DOK5: variants seen among roughly 807,000 people sequenced by gnomAD.
The protein encoded by DOK5 is docking protein 5.
Under a neutral mutation model 43.3 loss-of-function variants are expected in DOK5, and 27 were observed. The ratio of observed to expected loss-of-function variants is 0.62; its 90% CI spans 0.46 to 0.86. The LOEUF is 0.86. DOK5 is among the 40% of genes least tolerant of loss of function. The pLI is 0.00. For missense variants in DOK5, 373 were observed against 392.9 expected (o/e 0.95, Z 0.43); for synonymous variants, 146 against 140.1 (o/e 1.04, Z -0.30).
intron 2 of DOK5, among the ~76,000 whole-genome samples, chr20:54,566,844 T>G (rs373189296): frequency 6.6e-6 from 1 of 152,182 alleles, no homozygotes; most frequent in African/African-American, 2.4e-5. Flanking sequence ...CTTGAACTCC[T>G]GGCCTCAAGG....
At chr20:54,556,871 T>C (rs74662541) in intron 2 of DOK5, among the ~76,000 whole-genome samples, 2,787 of 152,320 alleles carry the variant, frequency 0.018, 88 homozygotes, top group African/African-American at 0.065. Flanking sequence ...TCCAAACATC[T>C]AATTCTTCAC....
chr20:54,609,105 G>A (rs1301374564), intron 5 of DOK5, among the ~76,000 whole-genome samples: 1 of 152,148 alleles, frequency 6.6e-6, no homozygotes, highest in East Asian at 1.9e-4. Flanking sequence ...GTGGTACTGG[G>A]CCAACTGCGA....
chr20:54,512,018 T>G (rs1983031946), intron 1 of DOK5, among the ~76,000 whole-genome samples: 1 of 152,176 alleles, frequency 6.6e-6, no homozygotes. Context: ...AACCTGTGGC[T>G]GTGTCTACCT....
chr20:54,578,830 A>G (rs1415694648), intron 2 of DOK5, among the ~76,000 whole-genome samples: 1 of 152,202 alleles, frequency 6.6e-6, no homozygotes, highest in Non-Finnish European at 1.5e-5. Context: ...TGCGGAATAC[A>G]ATCATGAAAT....
chr20:54,503,345 G>T (rs894700828), intron 1 of DOK5, among the ~76,000 whole-genome samples: 1 of 152,222 alleles, frequency 6.6e-6, no homozygotes, highest in African/African-American at 2.4e-5. Flanking sequence ...ATAGACTGGG[G>T]TATTGGAAAA....
At position 54,591,686 on chromosome 20, in the gene DOK5, A is replaced by G. The variant is rs763162487; in HGVS notation, c.480A>G (p.Thr160=). The part of the protein sequence containing the change: ...DVHGECALQI[T]YEYICLWDVQ... ...ATGGCGAATGTGCCTTGCAGATTAC[A>G]TATGAGTATATCTGTCTTTGGGACG... Residue 160 remains threonine (T), a synonymous_variant, in exon 5 of 8, where the codon ACA becomes ACG. Transcript: ENST00000262593. 6.8e-6 allele frequency: 11 copies of G among 1,614,050 alleles called. No individual in the cohort carries two copies. Among genetic ancestry groups the G allele is most frequent in the East Asian group, 2.2e-5 (1 of 44,902 alleles).
At chr20:54,535,080 C>CCT (rs1486246825) in intron 1 of DOK5, among the ~76,000 whole-genome samples, 1 of 152,158 alleles carries the variant, frequency 6.6e-6, no homozygotes, top group Non-Finnish European at 1.5e-5. Flanking sequence ...GATCCACCCG[C>CCT]CTCAGGCTTG....
At chr20:54,491,607 G>A (rs920548753) in intron 1 of DOK5, among the ~76,000 whole-genome samples, 2 of 152,102 alleles carry the variant, frequency 1.3e-5, no homozygotes, top group Non-Finnish European at 2.9e-5. Flanking sequence ...CTCGGCTTCC[G>A]CTGCGGAAGA....
At chr20:54,500,261 G>A (rs1308166879) in intron 1 of DOK5, among the ~76,000 whole-genome samples, 2 of 152,046 alleles carry the variant, frequency 1.3e-5, no homozygotes, top group African/African-American at 4.8e-5. Flanking sequence ...TCCATAGTTA[G>A]AATCTTTAGA....
At chr20:54,516,173 A>T (rs1568762915) in intron 1 of DOK5, among the ~76,000 whole-genome samples, 1 of 152,236 alleles carries the variant, frequency 6.6e-6, no homozygotes, top group Non-Finnish European at 1.5e-5. Context: ...CTGGTTATAT[A>T]ATCCAGTTAT....
At chr20:54,487,963 A>C (rs1304239497) in intron 1 of DOK5, among the ~76,000 whole-genome samples, 3 of 152,224 alleles carry the variant, frequency 2.0e-5, no homozygotes, top group Admixed American at 6.5e-5. Flanking sequence ...CTTAGAATTC[A>C]TTTTATTATC....
Position 54,574,418 on chromosome 20 carries a change from G to A in DOK5, c.175-14065G>A, listed in dbSNP as rs556953828. Among the ~76,000 whole-genome samples the A allele has an allele frequency of 3.9e-5, 6 of 152,220 alleles. No homozygotes were observed. The East Asian group carries it at 1.2e-3, about 29-fold the overall frequency. ...ATGCCACTGTTCCTTTCTTGAGGAA[G>A]CTACCTGAGTGTGTATAGCAGCTCA... On this transcript the variant is annotated intron_variant, in intron 2 of 7. Coordinates refer to ENST00000262593, the MANE Select transcript of DOK5 (RefSeq NM_018431.5).
At chr20:54,578,421 C>T (rs552124334) in intron 2 of DOK5, among the ~76,000 whole-genome samples, 1 of 151,882 alleles carries the variant, frequency 6.6e-6, no homozygotes, top group Non-Finnish European at 1.5e-5. Context: ...CTAAATATAT[C>T]CTGAAAAAAG....
At chr20:54,612,900 C>A (rs1254633178) in intron 6 of DOK5, among the ~76,000 whole-genome samples, 2 of 152,140 alleles carry the variant, frequency 1.3e-5, no homozygotes, top group Non-Finnish European at 2.9e-5. Flanking sequence ...TCTTGATATC[C>A]CTGAGCTCCA....
chr20:54,508,977 T>G (rs1982917114), intron 1 of DOK5, among the ~76,000 whole-genome samples: 1 of 147,514 alleles, frequency 6.8e-6, no homozygotes. Context: ...CCCTGGTTCA[T>G]GCGATTCTCC....
chr20:54,519,030 C>T (rs900885915), intron 1 of DOK5, among the ~76,000 whole-genome samples: 33 of 152,174 alleles, frequency 2.2e-4, no homozygotes, highest in Admixed American at 5.9e-4. Flanking sequence ...GTTAGAATGG[C>T]GATCATTAAA....
intron 1 of DOK5, among the ~76,000 whole-genome samples, chr20:54,546,548 C>A (rs931039305): frequency 6.0e-5 from 9 of 151,138 alleles, no homozygotes; most frequent in African/African-American, 1.5e-4. Flanking sequence ...TCCCTCCCCC[C>A]TCCCCTGACC....
At chr20:54,477,442 A>G (rs1383482897) in intron 1 of DOK5, among the ~76,000 whole-genome samples, 1 of 152,196 alleles carries the variant, frequency 6.6e-6, no homozygotes, top group East Asian at 1.9e-4. Context: ...GAGAAATGTA[A>G]CAGAATTCAC....
chr20:54,533,688 T>G (rs1053078988), intron 1 of DOK5, among the ~76,000 whole-genome samples: 2 of 152,200 alleles, frequency 1.3e-5, no homozygotes, highest in African/African-American at 2.4e-5. Context: ...TGACAGTATT[T>G]TTTTTACTTT....
Sources: gnomAD v4.1 joint callset for allele counts (sites outside exome capture counted in the v4.1 genomes callset) on GRCh38, gnomAD v4.1.1 for gene constraint, MANE v1.5 for transcripts, NCBI Gene and HGNC (gene_info 2026-07-23, HGNC 2026-07-21) for gene names.